The following UNC13C variants were observed in gnomAD, a reference collection of about 807,000 sequenced individuals.
UNC13C encodes the protein unc-13 homolog C.
A neutral mutation model predicts 245.4 loss-of-function variants in UNC13C; 174 were observed. The observed-to-expected ratio is 0.71, with a 90% CI of 0.63 to 0.80. The LOEUF (loss-of-function observed/expected upper bound fraction) is 0.80. Ranked by LOEUF, UNC13C falls within the 30% of genes least tolerant of loss-of-function variation. The probability of loss-of-function intolerance (pLI) is 0.00; values close to 1 mark genes in which losing one functional copy is unlikely to be tolerated. For missense variants in UNC13C, 2,829 were observed against 2,602.9 expected (o/e 1.09, Z -1.89); for synonymous variants, 992 against 895.1 (o/e 1.11, Z -1.93).
At chr15:54,570,956 A>G (rs1406704876) in intron 30 of UNC13C, among the ~76,000 whole-genome samples, 1 of 152,188 alleles carries the variant, frequency 6.6e-6, no homozygotes, top group African/African-American at 2.4e-5. Context: ...GTGCTATACA[A>G]TTCTTTGAAC....
chr15:54,205,172 T>G (rs528101608), intron 4 of UNC13C, among the ~76,000 whole-genome samples: 2 of 151,958 alleles, frequency 1.3e-5, no homozygotes, highest in Non-Finnish European at 2.9e-5. Context: ...GGGAATATGG[T>G]GAAAGAAAAA....
the UNC13C span, among the ~76,000 whole-genome samples, chr15:53,959,171 T>C: frequency 6.6e-6 from 1 of 152,330 alleles, no homozygotes; most frequent in Non-Finnish European, 1.5e-5. Context: ...TATATCACAT[T>C]GTTTTTATCT....
At chr15:54,545,912 C>T (rs1048520887) in intron 26 of UNC13C, among the ~76,000 whole-genome samples, 3 of 152,206 alleles carry the variant, frequency 2.0e-5, no homozygotes, top group South Asian at 4.2e-4. Context: ...GACAGTGTGG[C>T]GATTCCTCAA....
chr15:54,473,916 A>G (rs911364214), intron 19 of UNC13C, among the ~76,000 whole-genome samples: 6 of 151,694 alleles, frequency 4.0e-5, no homozygotes, highest in Admixed American at 1.3e-4. Context: ...CTAATTATCT[A>G]TCATTCCACT....
intron 14 of UNC13C, among the ~76,000 whole-genome samples, chr15:54,322,616 A>G (rs1011914561): frequency 6.6e-6 from 1 of 152,054 alleles, no homozygotes; most frequent in Non-Finnish European, 1.5e-5. Flanking sequence ...CATCTGACAT[A>G]TGCAAAGGCA....
Position 54,105,458 on chromosome 15 carries a change from C to T in UNC13C, c.2984-37560C>T, listed in dbSNP as rs536670378. ...ATTAGACCCTTTCCCATTCTCTTTC[C>T]TTCATTCTGAAGGTTTTCATATATT... On this transcript the variant is annotated intron_variant, in intron 2 of 32. Transcript: ENST00000260323. Among the ~76,000 whole-genome samples, 55 of 152,166 alleles carry T rather than the reference C, an allele frequency of 3.6e-4. No individual in the cohort carries two copies. In the South Asian group the frequency reaches 0.01, roughly 29 times the overall value.
rs544188078 is a variant in UNC13C, at chr15:54,093,795, A to G, written c.2984-49223A>G. ...ATTCAGCTTTTTATCAATACATTCT[A>G]TAACACCTGAAAATATGACAGCATG... On this transcript the variant is annotated intron_variant, in intron 2 of 32. Transcript: ENST00000260323. 2.6e-5 allele frequency among the ~76,000 whole-genome samples: 4 copies of G among 152,320 alleles called. No homozygotes were observed. The South Asian group carries it at 8.3e-4, about 32-fold the overall frequency.
the UNC13C span, chr15:53,912,546 C>A: frequency 6.6e-6 from 1 of 152,172 alleles, no homozygotes; most frequent in African/African-American, 2.4e-5. Context: ...GGCTACTCTG[C>A]TATCCACCTG....
At chr15:54,321,438 G>C (rs148138049) in intron 13 of UNC13C, 58 of 494,572 alleles carry the variant, frequency 1.2e-4, no homozygotes, top group African/African-American at 1.1e-3. Context: ...CACAACTCTT[G>C]CATCTGCCTT....
At chr15:54,521,217 G>A (rs982575246) in intron 24 of UNC13C, among the ~76,000 whole-genome samples, 4 of 152,090 alleles carry the variant, frequency 2.6e-5, no homozygotes, top group African/African-American at 9.7e-5. Flanking sequence ...CCAGAATAAT[G>A]ATTAAATTTT....
intron 17 of UNC13C, among the ~76,000 whole-genome samples, chr15:54,356,660 T>C (rs948059292): frequency 6.6e-6 from 1 of 152,190 alleles, no homozygotes; most frequent in Non-Finnish European, 1.5e-5. Context: ...GAGCAGAGTT[T>C]TATTATTTGA....
At chr15:54,179,223 T>A (rs192765079) in intron 4 of UNC13C, among the ~76,000 whole-genome samples, 1 of 152,054 alleles carries the variant, frequency 6.6e-6, no homozygotes, top group Non-Finnish European at 1.5e-5. Flanking sequence ...TTCCTTAATA[T>A]ATGATATGCA....
chr15:54,234,897 G>A, intron 4 of UNC13C, 133 bp from the exon 5 acceptor site: 1 of 727,264 alleles, frequency 1.4e-6, no homozygotes, highest in Non-Finnish European at 2.2e-6. Context: ...TATCTTTGCA[G>A]CTTTGTGAAT....
chr15:53,931,435 C>T, the UNC13C span, among the ~76,000 whole-genome samples: 1 of 152,288 alleles, frequency 6.6e-6, no homozygotes, highest in African/African-American at 2.4e-5. Context: ...TCCCAGAGTG[C>T]TGGGATTACA....
chr15:53,999,108 G>C (rs1487122522), intron 1 of UNC13C, among the ~76,000 whole-genome samples: 1 of 151,794 alleles, frequency 6.6e-6, no homozygotes, highest in Non-Finnish European at 1.5e-5. Flanking sequence ...TGGTTTTGTG[G>C]CCAAATAAAG....
intron 4 of UNC13C, among the ~76,000 whole-genome samples, chr15:54,167,478 G>C (rs1462950862): frequency 1.4e-5 from 2 of 144,368 alleles, no homozygotes; most frequent in Non-Finnish European, 3.0e-5. Context: ...CTCCAGCCTG[G>C]GTGACAGAGC....
intron 4 of UNC13C, among the ~76,000 whole-genome samples, chr15:54,227,423 C>T (rs1007193092): frequency 2.0e-5 from 3 of 152,214 alleles, no homozygotes; most frequent in African/African-American, 2.4e-5. Flanking sequence ...CTGCCATCAA[C>T]GTACCATTCA....
At chr15:54,577,038 C>G (rs1324151469) in intron 30 of UNC13C, among the ~76,000 whole-genome samples, 1 of 152,066 alleles carries the variant, frequency 6.6e-6, no homozygotes, top group Non-Finnish European at 1.5e-5. Context: ...TGGTCCTGTT[C>G]TAGACACTGG....
intron 20 of UNC13C, among the ~76,000 whole-genome samples, chr15:54,496,349 A>G (rs1893947912): frequency 6.6e-6 from 1 of 152,074 alleles, no homozygotes; most frequent in South Asian, 2.1e-4. Flanking sequence ...AGAATTTGTC[A>G]ACTAAAGACA....
Sources: gnomAD v4.1 joint callset for allele counts (sites outside exome capture counted in the v4.1 genomes callset) on GRCh38, gnomAD v4.1.1 for gene constraint, MANE v1.5 for transcripts, NCBI Gene and HGNC (gene_info 2026-07-23, HGNC 2026-07-21) for gene names.